DLGAP2: variants seen among roughly 807,000 people sequenced by gnomAD.
The protein encoded by DLGAP2 is disks large-associated protein 2.
A neutral mutation model predicts 100.3 loss-of-function variants in DLGAP2; 26 were observed. The ratio of observed to expected loss-of-function variants is 0.26; its 90% CI spans 0.19 to 0.36. DLGAP2 has a LOEUF of 0.36. Among genes scored for constraint, DLGAP2 ranks in the 10% least tolerant of loss-of-function variants. DLGAP2 has a pLI of 1.00. For synonymous variants in DLGAP2, 886 were observed against 630.1 expected, an observed-to-expected ratio of 1.41 and a Z score of -6.08; for missense variants, 1,858 against 1,453.2, an observed-to-expected ratio of 1.28 and a Z score of -4.53.
At chr8:1,196,959 G>A (rs1797764776) in intron 2 of DLGAP2, among the ~76,000 whole-genome samples, 1 of 152,160 alleles carries the variant, frequency 6.6e-6, no homozygotes. Context: ...ACAAGCTGGA[G>A]ACCCAGGGAA....
intron 2 of DLGAP2, among the ~76,000 whole-genome samples, chr8:980,601 G>C (rs1800303529): frequency 6.6e-6 from 1 of 152,294 alleles, no homozygotes; most frequent in South Asian, 2.1e-4. Context: ...TGTCCATGGC[G>C]CTGAACTCTG....
At chr8:853,306 C>CCA (rs1333587963) in intron 1 of DLGAP2, among the ~76,000 whole-genome samples, 2 of 152,154 alleles carry the variant, frequency 1.3e-5, no homozygotes, top group Non-Finnish European at 2.9e-5. Context: ...CCACAGAGTC[C>CCA]CAGGAGGGGC....
At chr8:1,676,506 A>AAAAT (rs769421865) in intron 10 of DLGAP2, 27 bp from the exon 11 acceptor site, 11 of 1,604,714 alleles carry the variant, frequency 6.9e-6, no homozygotes, top group African/African-American at 4.0e-5. Context: ...TTTCAGTTCT[A>AAAAT]AAATAAGACG....
intron 2 of DLGAP2, among the ~76,000 whole-genome samples, chr8:1,176,396 A>G (rs1297290661): frequency 1.6e-5 from 2 of 124,880 alleles, no homozygotes; most frequent in African/African-American, 3.0e-5. Context: ...ATATCACCAG[A>G]GTTTCTGTGA....
intron 10 of DLGAP2, among the ~76,000 whole-genome samples, 180 bp downstream of exon 10, chr8:1,669,964 C>G (rs1047176787): frequency 1.3e-5 from 2 of 152,196 alleles, no homozygotes; most frequent in Non-Finnish European, 2.9e-5. Context: ...GGGTCCCTAA[C>G]CTGCCTGCAG....
intron 2 of DLGAP2, among the ~76,000 whole-genome samples, chr8:1,008,339 C>T (rs1801180087): frequency 6.6e-6 from 1 of 152,190 alleles, no homozygotes; most frequent in Non-Finnish European, 1.5e-5. Flanking sequence ...CAACGAGTGT[C>T]TATAATGTAG....
Position 1,549,060 on chromosome 8 carries a change from C to A in DLGAP2, c.607C>A (p.His203Asn). 6.3e-7 allele frequency: 1 copy of A among 1,590,684 alleles called. No homozygotes were observed. The highest frequency in any genetic ancestry group is 1.7e-4 in the Middle Eastern group (1 of 6,044). Residue 203 changes from histidine (H) to asparagine (N), a missense_variant, in exon 5 of 15, where the codon CAC becomes AAC. His to Asn is a moderately conservative substitution (Grantham distance 68, BLOSUM62 1). Coordinates refer to ENST00000637795, the MANE Select transcript of DLGAP2 (RefSeq NM_001346810.2). ...CCAGTTCGAGAAGCAGCTGCCGCTG[C>A]ACCGGGACGGCTTCCACACGCTGCA... ...LDQFEKQLPL[H>N]RDGFHTLQYQ...
chr8:887,453 G>T (rs889874699), intron 1 of DLGAP2, among the ~76,000 whole-genome samples: 1 of 152,204 alleles, frequency 6.6e-6, no homozygotes, highest in Non-Finnish European at 1.5e-5. Flanking sequence ...AGTTGATGCA[G>T]ATTCTTCATA....
intron 2 of DLGAP2, among the ~76,000 whole-genome samples, chr8:1,138,536 C>T (rs917142064): frequency 6.6e-6 from 1 of 152,296 alleles, no homozygotes; most frequent in African/African-American, 2.4e-5. Context: ...GGCTGGCAAG[C>T]AGAGAGGGAC....
intron 3 of DLGAP2, among the ~76,000 whole-genome samples, chr8:1,412,586 T>G (rs1041294710): frequency 6.6e-6 from 1 of 152,334 alleles, no homozygotes. Flanking sequence ...TCAGATAAGT[T>G]GCTTCACCCC....
At chr8:1,484,152 C>T (rs987688332) in intron 3 of DLGAP2, among the ~76,000 whole-genome samples, 1 of 152,174 alleles carries the variant, frequency 6.6e-6, no homozygotes, top group Non-Finnish European at 1.5e-5. Flanking sequence ...CCAGGGCAGG[C>T]CCTCCAGGTG....
chr8:1,422,401 G>C (rs932866234), intron 3 of DLGAP2, among the ~76,000 whole-genome samples: 3 of 152,164 alleles, frequency 2.0e-5, no homozygotes, highest in African/African-American at 7.2e-5. Flanking sequence ...ACACGCTTGT[G>C]TATATGTAGG....
chr8:1,349,690 G>A (rs79978258), intron 3 of DLGAP2, among the ~76,000 whole-genome samples: 1 of 60,288 alleles, frequency 1.7e-5, no homozygotes, highest in African/African-American at 4.5e-5. Flanking sequence ...TGAGCCTCCT[G>A]CCCACATCCA....
At chr8:926,513 T>C (rs1014772333) in intron 2 of DLGAP2, among the ~76,000 whole-genome samples, 1 of 152,206 alleles carries the variant, frequency 6.6e-6, no homozygotes, top group African/African-American at 2.4e-5. Flanking sequence ...CCAGGAACCC[T>C]GAAAACAAGC....
intron 3 of DLGAP2, among the ~76,000 whole-genome samples, chr8:1,314,481 G>C (rs373216594): frequency 2.2e-4 from 34 of 152,266 alleles, no homozygotes; most frequent in East Asian, 3.9e-4. Context: ...AAAGCATTTT[G>C]GGATTTCTCC....
intron 3 of DLGAP2, among the ~76,000 whole-genome samples, chr8:1,381,809 G>C (rs1018939830): frequency 6.6e-6 from 1 of 150,448 alleles, no homozygotes; most frequent in African/African-American, 2.5e-5. Context: ...GTGTGTGTGT[G>C]TGTGTGTGTG....
chr8:1,166,382 T>C (rs1287336498), intron 2 of DLGAP2, among the ~76,000 whole-genome samples: 2 of 152,190 alleles, frequency 1.3e-5, no homozygotes, highest in Admixed American at 1.3e-4. Context: ...GGTTGATCAT[T>C]TAATAATGCG....
intron 2 of DLGAP2, among the ~76,000 whole-genome samples, chr8:1,234,551 G>C (rs369089215): frequency 8.5e-4 from 130 of 152,226 alleles, no homozygotes; most frequent in African/African-American, 3.0e-3. Context: ...TCTAAACTAA[G>C]GTCACATTCT....
chr8:1,537,393 T>C (rs1376277479), intron 4 of DLGAP2, among the ~76,000 whole-genome samples: 2 of 152,058 alleles, frequency 1.3e-5, no homozygotes, highest in Non-Finnish European at 2.9e-5. Flanking sequence ...TTTATGTCAT[T>C]AAAATGATTA....
Sources: allele counts gnomAD v4.1 joint callset (sites outside exome capture counted in the v4.1 genomes callset), GRCh38; gene constraint gnomAD v4.1.1; transcripts MANE v1.5; gene names NCBI Gene and HGNC (gene_info 2026-07-23, HGNC 2026-07-21).